Variants in PFKFB3 observed in about 807,000 individuals in gnomAD.
The protein encoded by PFKFB3 is 6-phosphofructo-2-kinase/fructose-2,6-bisphosphatase 3.
Under a neutral mutation model 68.0 loss-of-function variants are expected in PFKFB3, and 33 were observed. That is an observed-to-expected ratio of 0.49 (90% CI 0.37 to 0.65). PFKFB3 has a LOEUF of 0.65. PFKFB3 is among the 30% of genes least tolerant of loss of function. The probability of loss-of-function intolerance (pLI) is 0.00; values close to 1 mark genes in which losing one functional copy is unlikely to be tolerated. For missense variants in PFKFB3, 586 were observed against 712.2 expected (o/e 0.82, Z 2.02); for synonymous variants, 315 against 288.2 (o/e 1.09, Z -0.94).
intron 1 of PFKFB3, among the ~76,000 whole-genome samples, chr10:6,204,259 C>A (rs1168265970): frequency 6.6e-6 from 1 of 152,260 alleles, no homozygotes; most frequent in Non-Finnish European, 1.5e-5. Flanking sequence ...TGCGCCCCGG[C>A]TCCCATGGGC....
At chr10:6,146,331 CGGTGAAGGG>C in intron 1 of PFKFB3, 1 of 1,527,362 alleles carries the variant, frequency 6.5e-7, no homozygotes, top group Non-Finnish European at 8.8e-7. Context: ...GGGCTCCTGG[CGGTGAAGGG>C]GGTGGCTGCT....
At chr10:6,185,419 G>A (rs680951) in intron 1 of PFKFB3, among the ~76,000 whole-genome samples, 98,263 of 152,054 alleles carry the variant, frequency 0.65, 32,047 homozygotes, top group Middle Eastern at 0.71. Context: ...CTGAAAACAC[G>A]TTTTCACAAG....
At chr10:6,255,257 T>G (rs1588573586), downstream of PFKFB3, among the ~76,000 whole-genome samples, 2 of 152,128 alleles carry the variant, frequency 1.3e-5, no homozygotes, top group Non-Finnish European at 2.9e-5. Flanking sequence ...CCTGAGTAGC[T>G]GGGATTACAG....
chr10:6,314,348 A>G, the PFKFB3 span, among the ~76,000 whole-genome samples: 1 of 152,352 alleles, frequency 6.6e-6, no homozygotes, highest in South Asian at 2.1e-4. Flanking sequence ...CAAAATGCCC[A>G]TAATCCCATC....
At position 6,228,013 on chromosome 10, in the gene PFKFB3, G is replaced by C. The variant is rs946664571; in HGVS notation, c.1515+1648G>C. Among the ~76,000 whole-genome samples, 2 of 152,172 alleles carry C rather than the reference G, an allele frequency of 1.3e-5. No individual in the cohort carries two copies. The highest frequency in any genetic ancestry group is 2.4e-5 in the African/African-American group (1 of 41,436). ...CGTCGTGGAGGACGCAGTGGCAGGG[G>C]CTGCATCCTCCTGTCCGCTTCAGAG... is the stretch of plus-strand genomic sequence containing the variant. On this transcript the variant is annotated intron_variant, in intron 14 of 14. Coordinates refer to ENST00000379775, the MANE Select transcript of PFKFB3 (RefSeq NM_004566.4). The surrounding 1 kb of genome is among the most constrained non-coding windows in gnomAD (Gnocchi z 4.5).
chr10:6,311,748 C>CA, the PFKFB3 span, among the ~76,000 whole-genome samples: 10 of 148,044 alleles, frequency 6.8e-5, no homozygotes, highest in South Asian at 1.1e-3. Flanking sequence ...GACTCCGTCT[C>CA]AAAAAAAAAG....
At chr10:6,300,582 C>T in the PFKFB3 span, among the ~76,000 whole-genome samples, 4 of 152,262 alleles carry the variant, frequency 2.6e-5, no homozygotes, top group Middle Eastern at 3.4e-3. Flanking sequence ...AGAACTGCTC[C>T]GAAACGGGAA....
chr10:6,147,448 G>C (rs1266658879), intron 1 of PFKFB3, among the ~76,000 whole-genome samples: 1 of 152,192 alleles, frequency 6.6e-6, no homozygotes, highest in Non-Finnish European at 1.5e-5. Flanking sequence ...ACAAGCTTCA[G>C]ACTTTGGGAT....
At chr10:6,169,433 T>C (rs1422691419) in intron 1 of PFKFB3, among the ~76,000 whole-genome samples, 1 of 152,108 alleles carries the variant, frequency 6.6e-6, no homozygotes, top group African/African-American at 2.4e-5. Flanking sequence ...TGGGCCACCA[T>C]GGAGTTGTCG....
chr10:6,196,897 G>A (rs370085518), intron 1 of PFKFB3, among the ~76,000 whole-genome samples: 2 of 151,642 alleles, frequency 1.3e-5, no homozygotes, highest in African/African-American at 4.9e-5. Context: ...CCCCCGTCAC[G>A]CTCCCAAAGT....
chr10:6,274,924 C>T, the PFKFB3 span, among the ~76,000 whole-genome samples: 1 of 152,188 alleles, frequency 6.6e-6, no homozygotes, highest in African/African-American at 2.4e-5. Flanking sequence ...AGAGGCTGCT[C>T]ATGTGGTATG....
At chr10:6,226,819 C>G (rs553351423) in intron 14 of PFKFB3, among the ~76,000 whole-genome samples, 41 of 152,366 alleles carry the variant, frequency 2.7e-4, no homozygotes, top group Non-Finnish European at 2.9e-5. Flanking sequence ...GGCGCGGTGG[C>G]TCACGCCTGT....
At chr10:6,156,389 C>T (rs961483402) in intron 1 of PFKFB3, among the ~76,000 whole-genome samples, 7 of 151,964 alleles carry the variant, frequency 4.6e-5, no homozygotes, top group Non-Finnish European at 1.0e-4. Flanking sequence ...CTCGTGGGCT[C>T]AAATGATCCT....
rs1845540315 is a variant in PFKFB3, at chr10:6,228,871, C to T, written c.1515+2506C>T. ...CCATCTCTAACCCATGTGGTCACTT[C>T]TGCTCCTCCCAGAGCTCTCTGCAGA... On this transcript the variant is annotated intron_variant, in intron 14 of 14. Coordinates refer to ENST00000379775, the MANE Select transcript of PFKFB3 (RefSeq NM_004566.4). This position sits in a 1 kb window ranked among gnomAD's most constrained non-coding sequence, Gnocchi z 4.5. 6.6e-6 allele frequency among the ~76,000 whole-genome samples: 1 copy of T among 152,186 alleles called. No homozygotes were observed. The highest frequency in any genetic ancestry group is 1.5e-5 in the Non-Finnish European group (1 of 68,026).
At chr10:6,218,922 A>G (rs1844768422) in intron 6 of PFKFB3, among the ~76,000 whole-genome samples, 1 of 152,192 alleles carries the variant, frequency 6.6e-6, no homozygotes, top group African/African-American at 2.4e-5. Flanking sequence ...GGTTGATGAG[A>G]AAAAGAGCCC....
chr10:6,147,516 G>C (rs1841431198), intron 1 of PFKFB3, among the ~76,000 whole-genome samples: 1 of 152,198 alleles, frequency 6.6e-6, no homozygotes, highest in Non-Finnish European at 1.5e-5. Context: ...ATGATGGGGA[G>C]ATTTGGGTAG....
chr10:6,276,565 G>A, the PFKFB3 span, among the ~76,000 whole-genome samples: 72 of 152,242 alleles, frequency 4.7e-4, no homozygotes, highest in Middle Eastern at 0.01. Context: ...AATGAACTTC[G>A]CTTTCTCTGG....
At chr10:6,152,036 G>A (rs989423389) in intron 1 of PFKFB3, among the ~76,000 whole-genome samples, 1 of 151,430 alleles carries the variant, frequency 6.6e-6, no homozygotes, top group Non-Finnish European at 1.5e-5. Context: ...TTGATGCCTA[G>A]ACAAAAAATG....
chr10:6,209,920 A>G (rs953244932), intron 1 of PFKFB3, among the ~76,000 whole-genome samples: 1 of 151,870 alleles, frequency 6.6e-6, no homozygotes, highest in South Asian at 2.1e-4. Flanking sequence ...GCCTGCCATC[A>G]CGCCTGGCTA....
Sources: gnomAD v4.1 joint callset for allele counts (sites outside exome capture counted in the v4.1 genomes callset) on GRCh38, gnomAD v4.1.1 for gene constraint, Gnocchi (gnomAD v3.1) non-coding constraint, MANE v1.5 for transcripts, NCBI Gene and HGNC (gene_info 2026-07-23, HGNC 2026-07-21) for gene names.